The following LRRC4C variants were observed in gnomAD, a reference collection of about 807,000 sequenced individuals.
LRRC4C encodes leucine-rich repeat-containing protein 4C.
LRRC4C carries 5 observed loss-of-function variants against 33.6 expected under a neutral mutation model. The ratio of observed to expected loss-of-function variants is 0.15; its 90% CI spans 0.08 to 0.31. The LOEUF is 0.31. Ranked by LOEUF, LRRC4C falls within the 10% of genes least tolerant of loss-of-function variation. The probability of loss-of-function intolerance (pLI) is 1.00; values close to 1 mark genes in which losing one functional copy is unlikely to be tolerated. For missense variants in LRRC4C, 560 were observed against 796.7 expected (o/e 0.70, Z 3.58); for synonymous variants, 329 against 302.0 (o/e 1.09, Z -0.93).
intron 3 of LRRC4C, among the ~76,000 whole-genome samples, chr11:40,607,213 T>C (rs1027870465): frequency 2.6e-5 from 4 of 152,148 alleles, no homozygotes; most frequent in Non-Finnish European, 5.9e-5. Context: ...CTAAAGAATG[T>C]TCTTTAAATC....
At chr11:41,084,071 G>A (rs1247638819) in intron 1 of LRRC4C, among the ~76,000 whole-genome samples, 1 of 152,162 alleles carries the variant, frequency 6.6e-6, no homozygotes, top group East Asian at 1.9e-4. Context: ...AAGGCTTAAA[G>A]TGAGCTAATA....
chr11:40,504,680 A>G (rs2138659440), intron 3 of LRRC4C, among the ~76,000 whole-genome samples: 1 of 152,310 alleles, frequency 6.6e-6, no homozygotes, highest in African/African-American at 2.4e-5. Context: ...ATTTTGGTCT[A>G]AAATCAATAT....
intron 2 of LRRC4C, among the ~76,000 whole-genome samples, chr11:40,808,668 G>T (rs1207398648): frequency 6.6e-6 from 1 of 152,084 alleles, no homozygotes; most frequent in Admixed American, 6.6e-5. Flanking sequence ...GGTCAAGGGA[G>T]ACCCAGTACC....
At chr11:41,309,384 C>T (rs1447788617) in intron 1 of LRRC4C, among the ~76,000 whole-genome samples, 4 of 152,276 alleles carry the variant, frequency 2.6e-5, no homozygotes, top group East Asian at 1.9e-4. Flanking sequence ...AGATGTTCTG[C>T]GGTCTCTGAT....
rs184042301 is a variant in LRRC4C, at chr11:40,868,507, T to G, written c.-407+65128A>C. Among the ~76,000 whole-genome samples the G allele has an allele frequency of 1.9e-3, 291 of 152,254 alleles. 2 individuals are homozygous for G. The highest frequency in any genetic ancestry group is 3.1e-3 in the Non-Finnish European group (213 of 68,018). On this transcript the variant is annotated intron_variant, in intron 2 of 6. Coordinates refer to ENST00000528697, the MANE Select transcript of LRRC4C (RefSeq NM_001258419.2). ...AAAACTCAGATGGAAATTTTCATTC[T>G]AAACTTTGGAAGATTTATCTCTAAA...
At chr11:41,230,590 T>A (rs1406632398) in intron 1 of LRRC4C, among the ~76,000 whole-genome samples, 1 of 152,108 alleles carries the variant, frequency 6.6e-6, no homozygotes, top group Non-Finnish European at 1.5e-5. Flanking sequence ...ATGCCACTAA[T>A]CAGTTTTATT....
In LRRC4C at chr11:40,547,064, T is replaced by C. The variant is rs1956953975; in HGVS notation, c.-270+101078A>G. On this transcript the variant is annotated intron_variant, in intron 3 of 6. Coordinates refer to ENST00000528697, the MANE Select transcript of LRRC4C (RefSeq NM_001258419.2). ...TTGGCTTCCAGCCTTAACGTAGTGT[T>C]CTTAAAGTTGATTTTTTGCTAAATG... is the stretch of plus-strand genomic sequence containing the variant. Among the ~76,000 whole-genome samples the C allele has an allele frequency of 4.6e-5, 7 of 152,298 alleles. No homozygotes were observed. The South Asian group carries it at 1.4e-3, about 32-fold the overall frequency.
chr11:40,848,082 TATC>T lies in LRRC4C; in HGVS notation c.-407+85550_-407+85552del, dbSNP rs1431790838. On this transcript the variant is annotated intron_variant, in intron 2 of 6. Transcript: ENST00000528697. ...TATTCTGGCTAGTGGTCTATCTATC[TATC>T]TTTTTTTTTAAAAAAAGCCCCTGGA... Among the ~76,000 whole-genome samples, 250 of 142,052 alleles carry T rather than the reference TATC, an allele frequency of 1.8e-3. 2 individuals carry two copies. Among genetic ancestry groups the T allele is most frequent in the South Asian group, 8.4e-3 (37 of 4,400 alleles). 93.2% of individuals were successfully genotyped at this position (142,052 alleles called of 152,430 possible). A position where few individuals can be genotyped will look rare whatever the true frequency, so the allele number is the denominator to read the frequency against.
chr11:40,827,193 A>C (rs907782239), intron 2 of LRRC4C, among the ~76,000 whole-genome samples: 1 of 151,876 alleles, frequency 6.6e-6, no homozygotes, highest in Non-Finnish European at 1.5e-5. Context: ...GAACGTATCT[A>C]GGAGGCTGGT....
intron 2 of LRRC4C, among the ~76,000 whole-genome samples, chr11:40,666,220 G>A (rs1172655487): frequency 6.6e-6 from 1 of 152,128 alleles, no homozygotes; most frequent in Non-Finnish European, 1.5e-5. Context: ...AACACAAAAA[G>A]CAAGTTAACA....
At chr11:40,746,817 G>A (rs1331661702) in intron 2 of LRRC4C, among the ~76,000 whole-genome samples, 2 of 152,138 alleles carry the variant, frequency 1.3e-5, no homozygotes, top group Admixed American at 6.5e-5. Flanking sequence ...CACAACTGGT[G>A]CCTATCTGTA....
rs183807579 is a variant in LRRC4C at position 40,730,153 on chromosome 11, G to T, written c.-406-81875C>A. ...GCATTGGGAGATATAACTAATGCTA[G>T]ATGACAAGTTAGTGGGTGCAGCGCA... On this transcript the variant is annotated intron_variant, in intron 2 of 6. Coordinates refer to ENST00000528697, the MANE Select transcript of LRRC4C (RefSeq NM_001258419.2). 8.0e-3 allele frequency among the ~76,000 whole-genome samples: 1,211 copies of T among 152,254 alleles called. 14 individuals are homozygous for T. Among genetic ancestry groups the T allele is most frequent in the Middle Eastern group, 0.01 (3 of 294 alleles).
intron 1 of LRRC4C, among the ~76,000 whole-genome samples, chr11:41,160,224 G>A (rs1944408028): frequency 6.6e-6 from 1 of 151,744 alleles, no homozygotes; most frequent in South Asian, 2.1e-4. Context: ...AGAACATATG[G>A]CTGGACACAA....
intron 4 of LRRC4C, chr11:40,292,775 T>C (rs1944282641): frequency 6.6e-6 from 1 of 152,094 alleles, no homozygotes; most frequent in Non-Finnish European, 1.5e-5. Flanking sequence ...CATATACACA[T>C]TTGTGTTAAG....
chr11:41,178,418 A>T (rs2136137097), intron 1 of LRRC4C, among the ~76,000 whole-genome samples: 1 of 152,244 alleles, frequency 6.6e-6, no homozygotes, highest in South Asian at 2.1e-4. Flanking sequence ...TGATCATGTA[A>T]TCATAGCTCA....
chr11:40,299,035 G>A (rs1944647704), intron 4 of LRRC4C, among the ~76,000 whole-genome samples: 1 of 152,176 alleles, frequency 6.6e-6, no homozygotes, highest in African/African-American at 2.4e-5. Context: ...TTACTGCAAA[G>A]TTGTATAAAA....
chr11:40,416,955 T>C (rs1041809744), intron 3 of LRRC4C, among the ~76,000 whole-genome samples: 2 of 152,254 alleles, frequency 1.3e-5, no homozygotes, highest in African/African-American at 4.8e-5. Context: ...AGATTCACTA[T>C]GCCTTCATGA....
chr11:40,257,131 C>A (rs954163277), intron 4 of LRRC4C, among the ~76,000 whole-genome samples: 7 of 152,128 alleles, frequency 4.6e-5, no homozygotes, highest in Non-Finnish European at 1.0e-4. Context: ...AAGAAAGAAG[C>A]AGTGGCCACC....
At chr11:41,005,000 TATTATA>T (rs1030223858) in intron 1 of LRRC4C, among the ~76,000 whole-genome samples, 12 of 152,032 alleles carry the variant, frequency 7.9e-5, no homozygotes, top group African/African-American at 1.2e-4. Context: ...TCATTATTAT[TATTATA>T]ATTATTACAG....
Sources: allele counts gnomAD v4.1 joint callset (sites outside exome capture counted in the v4.1 genomes callset), GRCh38; gene constraint gnomAD v4.1.1; transcripts MANE v1.5; gene names NCBI Gene and HGNC (gene_info 2026-07-23, HGNC 2026-07-21).